MAGI2: variants seen among roughly 807,000 people sequenced by gnomAD.
MAGI2 encodes membrane associated guanylate kinase, WW and PDZ domain containing 2.
Under a neutral mutation model 133.3 loss-of-function variants are expected in MAGI2, and 35 were observed. The ratio of observed to expected loss-of-function variants is 0.26; its 90% CI spans 0.20 to 0.35. MAGI2 has a LOEUF of 0.35. Among genes scored for constraint, MAGI2 ranks in the 10% least tolerant of loss-of-function variants. The pLI is 1.00. For synonymous variants in MAGI2, 729 were observed against 710.6 expected (o/e 1.03, Z -0.41); for missense variants, 1,636 against 1,863.4 (o/e 0.88, Z 2.25).
intron 6 of MAGI2, among the ~76,000 whole-genome samples, chr7:78,440,706 C>A (rs1787530074): frequency 6.6e-6 from 1 of 152,116 alleles, no homozygotes; most frequent in African/African-American, 2.4e-5. Context: ...AATCCCAACA[C>A]TTTGGGAGGC....
intron 1 of MAGI2, among the ~76,000 whole-genome samples, chr7:79,299,195 G>C (rs1243084910): frequency 6.6e-6 from 1 of 152,112 alleles, no homozygotes; most frequent in African/African-American, 2.4e-5. Flanking sequence ...GATGATGTTG[G>C]AAGACCTTAT....
intron 2 of MAGI2, among the ~76,000 whole-genome samples, chr7:78,654,407 T>C (rs999053258): frequency 5.9e-5 from 9 of 152,074 alleles, no homozygotes; most frequent in Admixed American, 2.0e-4. Flanking sequence ...ACCTGAGTCT[T>C]GAATGAACCT....
At chr7:78,643,570 T>C (rs1810524827) in intron 2 of MAGI2, among the ~76,000 whole-genome samples, 1 of 152,144 alleles carries the variant, frequency 6.6e-6, no homozygotes, top group Admixed American at 6.6e-5. Flanking sequence ...ACTCAAGTTA[T>C]TAAGATACAC....
intron 9 of MAGI2, among the ~76,000 whole-genome samples, chr7:78,326,095 T>C (rs1788554188): frequency 6.6e-6 from 1 of 152,204 alleles, no homozygotes; most frequent in African/African-American, 2.4e-5. Flanking sequence ...GACAAGCTGA[T>C]GGTTCTCCAT....
At chr7:78,364,426 C>G (rs763511162) in intron 7 of MAGI2, among the ~76,000 whole-genome samples, 14 of 152,136 alleles carry the variant, frequency 9.2e-5, no homozygotes, top group Non-Finnish European at 1.2e-4. Flanking sequence ...GAAATGAATG[C>G]AATTTTCCAT....
intron 9 of MAGI2, among the ~76,000 whole-genome samples, chr7:78,259,220 T>A (rs901445001): frequency 6.6e-6 from 1 of 152,154 alleles, no homozygotes; most frequent in African/African-American, 2.4e-5. Flanking sequence ...TCATTGACTA[T>A]TTTTTATGTC....
chr7:78,927,083 T>G (rs185017581), intron 2 of MAGI2, among the ~76,000 whole-genome samples: 19 of 152,164 alleles, frequency 1.2e-4, no homozygotes, highest in African/African-American at 4.1e-4. Flanking sequence ...ATGTAATATC[T>G]TTATGTATAT....
intron 6 of MAGI2, among the ~76,000 whole-genome samples, chr7:78,406,832 G>C (rs1797422714): frequency 6.6e-6 from 1 of 152,034 alleles, no homozygotes; most frequent in African/African-American, 2.4e-5. Flanking sequence ...TGAAAGGGAT[G>C]TTCAATGTCT....
rs146297937 is a variant in MAGI2 at position 78,817,020 on chromosome 7, T to C, written c.419-189781A>G. Among the ~76,000 whole-genome samples, 85 of 152,336 alleles carry C rather than the reference T, an allele frequency of 5.6e-4. 1 individual carries two copies. The East Asian group carries it at 0.015, about 28-fold the overall frequency. On this transcript the variant is annotated intron_variant, in intron 2 of 21. Transcript: ENST00000354212. Reference sequence around the variant, plus strand: ...AAGGATTCACCATTAAGAACATTCATGATTCATGGGAGGAGGTGAAAACAG... The same window carrying C: ...AAGGATTCACCATTAAGAACATTCACGATTCATGGGAGGAGGTGAAAACAG...
At chr7:78,312,798 C>A (rs1316284401) in intron 9 of MAGI2, among the ~76,000 whole-genome samples, 3 of 151,128 alleles carry the variant, frequency 2.0e-5, no homozygotes, top group African/African-American at 7.3e-5. Context: ...GGGTATATAC[C>A]CAAAGGGAAA....
chr7:78,611,739 G>A (rs1806468634), intron 3 of MAGI2, among the ~76,000 whole-genome samples: 1 of 152,152 alleles, frequency 6.6e-6, no homozygotes, highest in Non-Finnish European at 1.5e-5. Context: ...CCTCTGAACA[G>A]TGCAGTAGTA....
intron 6 of MAGI2, chr7:78,486,470 A>C (rs1056840601): frequency 4.1e-5 from 7 of 171,342 alleles, no homozygotes; most frequent in Admixed American, 1.2e-4. Flanking sequence ...GTTGAGGAAA[A>C]ATCAAAAGAA....
In MAGI2 at chr7:78,041,945, C is replaced by T. The variant is rs114571235; in HGVS notation, c.3707-21969G>A. Reference sequence around the variant, plus strand: ...TGAGCAGCTGGGACCCCCCACAACCCGCCCTGTGATAGACACAGGGGTCTG... The same window carrying T: ...TGAGCAGCTGGGACCCCCCACAACCTGCCCTGTGATAGACACAGGGGTCTG... On this transcript the variant is annotated intron_variant, in intron 21 of 21. Coordinates refer to ENST00000354212, the MANE Select transcript of MAGI2 (RefSeq NM_012301.4). 6.4e-3 allele frequency among the ~76,000 whole-genome samples: 977 copies of T among 152,214 alleles called. 12 individuals carry two copies. Among genetic ancestry groups the T allele is most frequent in the African/African-American group, 0.023 (937 of 41,532 alleles).
chr7:78,250,296 C>A (rs866293446), intron 10 of MAGI2, among the ~76,000 whole-genome samples: 1 of 151,814 alleles, frequency 6.6e-6, no homozygotes, highest in Non-Finnish European at 1.5e-5. Flanking sequence ...TCTAAGTAAC[C>A]TATAGGTCAA....
chr7:78,259,393 G>T (rs140141405), intron 9 of MAGI2, among the ~76,000 whole-genome samples: 1 of 152,106 alleles, frequency 6.6e-6, no homozygotes, highest in Admixed American at 6.6e-5. Context: ...CTGTGACTCA[G>T]ATTTTTTAGA....
At chr7:78,743,519 C>T (rs530282032) in intron 2 of MAGI2, among the ~76,000 whole-genome samples, 5 of 152,288 alleles carry the variant, frequency 3.3e-5, no homozygotes, top group African/African-American at 1.2e-4. Flanking sequence ...ACTTCTAGTA[C>T]TCCAATTATG....
intron 2 of MAGI2, among the ~76,000 whole-genome samples, chr7:78,962,181 C>A (rs1802904062): frequency 6.6e-6 from 1 of 151,980 alleles, no homozygotes; most frequent in Non-Finnish European, 1.5e-5. Flanking sequence ...GGAAACAAAT[C>A]TTTGAAGGAA....
At chr7:78,679,553 T>C (rs1815421145) in intron 2 of MAGI2, among the ~76,000 whole-genome samples, 1 of 152,182 alleles carries the variant, frequency 6.6e-6, no homozygotes, top group Non-Finnish European at 1.5e-5. Flanking sequence ...GTGACACATA[T>C]GTACTGTTCA....
chr7:79,408,245 AATT>A (rs1204191717), intron 1 of MAGI2, among the ~76,000 whole-genome samples: 2 of 152,094 alleles, frequency 1.3e-5, no homozygotes, highest in African/African-American at 4.8e-5. Flanking sequence ...AGGATGATGA[AATT>A]ATTACTAGGA....
Sources: allele counts gnomAD v4.1 joint callset (sites outside exome capture counted in the v4.1 genomes callset), GRCh38; gene constraint gnomAD v4.1.1; transcripts MANE v1.5; gene names NCBI Gene and HGNC (gene_info 2026-07-23, HGNC 2026-07-21).